Variants in WRN observed in about 807,000 individuals in gnomAD.
The protein encoded by WRN is bifunctional 3'-5' exonuclease/ATP-dependent helicase WRN.
WRN carries 149 observed loss-of-function variants against 180.7 expected under a neutral mutation model. The observed-to-expected ratio is 0.82, with a 90% CI of 0.72 to 0.94. The LOEUF (loss-of-function observed/expected upper bound fraction) is 0.94. WRN is among the 40% of genes least tolerant of loss of function. The pLI is 0.00. For synonymous variants in WRN, 548 were observed against 568.9 expected, an observed-to-expected ratio of 0.96 and a Z score of 0.52; for missense variants, 1,661 against 1,700.1, an observed-to-expected ratio of 0.98 and a Z score of 0.40.
At chr8:31,076,586 A>T (rs1813103507) in intron 8 of WRN, among the ~76,000 whole-genome samples, 1 of 152,182 alleles carries the variant, frequency 6.6e-6, no homozygotes, top group Non-Finnish European at 1.5e-5. Flanking sequence ...TGTCAAAGCA[A>T]AATAAATTAT....
chr8:31,136,060 C>T (rs1047908523), intron 24 of WRN, among the ~76,000 whole-genome samples: 1 of 152,200 alleles, frequency 6.6e-6, no homozygotes, highest in Non-Finnish European at 1.5e-5. Context: ...AGTACAGTGG[C>T]ATGATCATAG....
intron 19 of WRN, among the ~76,000 whole-genome samples, chr8:31,115,991 C>G (rs1248122274): frequency 6.6e-6 from 1 of 152,098 alleles, no homozygotes; most frequent in Non-Finnish European, 1.5e-5. Flanking sequence ...CTTTGTAAAC[C>G]CTCACCAGAC....
intron 33 of WRN, among the ~76,000 whole-genome samples, chr8:31,159,580 A>T (rs1213874823): frequency 6.6e-6 from 1 of 152,086 alleles, no homozygotes; most frequent in African/African-American, 2.4e-5. Flanking sequence ...TGAGATGGAA[A>T]ATTAAAAGAC....
chr8:31,149,455 G>GTTT (rs71208105), intron 30 of WRN, among the ~76,000 whole-genome samples: 11 of 51,974 alleles, frequency 2.1e-4, no homozygotes, highest in Admixed American at 7.0e-4. Flanking sequence ...TAATAGAGGT[G>GTTT]TTTTTTTTTT....
chr8:31,155,142 C>T (rs548391640), intron 32 of WRN, among the ~76,000 whole-genome samples: 13 of 152,258 alleles, frequency 8.5e-5, no homozygotes, highest in African/African-American at 1.4e-4. Context: ...GAAAAACAAA[C>T]GTAAACGTGT....
intron 7 of WRN, among the ~76,000 whole-genome samples, chr8:31,073,669 A>G (rs956816816): frequency 3.3e-5 from 5 of 152,162 alleles, no homozygotes; most frequent in African/African-American, 9.7e-5. Context: ...AGTAGGTGTG[A>G]TATTGACCTC....
chr8:31,040,391 T>C (rs1811605447), intron 1 of WRN, among the ~76,000 whole-genome samples: 2 of 152,102 alleles, frequency 1.3e-5, no homozygotes, highest in Non-Finnish European at 2.9e-5. Flanking sequence ...GGAGTGAGTG[T>C]AGAGGGAGAA....
chr8:31,111,508 T>C, intron 18 of WRN, 107 bp from the exon 19 acceptor site: 1 of 1,375,732 alleles, frequency 7.3e-7, no homozygotes, highest in South Asian at 1.2e-5. Flanking sequence ...GTCTTTAACA[T>C]TGTACCACAA....
At chr8:31,054,066 C>G (rs1371856086) in intron 1 of WRN, among the ~76,000 whole-genome samples, 1 of 152,124 alleles carries the variant, frequency 6.6e-6, no homozygotes, top group East Asian at 1.9e-4. Flanking sequence ...TCTATGAAAG[C>G]AAAGCCTTCT....
chr8:31,141,245 AT>A (rs1299261492), intron 24 of WRN, among the ~76,000 whole-genome samples, 184 bp from the exon 25 acceptor site: 1 of 152,214 alleles, frequency 6.6e-6, no homozygotes, highest in African/African-American at 2.4e-5. Context: ...AAGGAACATT[AT>A]TTTGATAATG....
intron 11 of WRN, among the ~76,000 whole-genome samples, chr8:31,086,149 CAGAAGTT>C (rs1813521646): frequency 1.3e-5 from 2 of 151,932 alleles, no homozygotes; most frequent in African/African-American, 4.8e-5. Flanking sequence ...AAGAAAAACA[CAGAAGTT>C]CCCCATTATG....
intron 34 of WRN, among the ~76,000 whole-genome samples, chr8:31,170,073 C>T (rs1256272194): frequency 6.6e-6 from 1 of 152,188 alleles, no homozygotes; most frequent in African/African-American, 2.4e-5. Context: ...CCTCTGCTTT[C>T]TCCCGTACAG....
At chr8:31,110,986 C>A (rs1479993045) in intron 18 of WRN, among the ~76,000 whole-genome samples, 1 of 152,138 alleles carries the variant, frequency 6.6e-6, no homozygotes, top group Admixed American at 6.6e-5. Flanking sequence ...GTCTGCCAAT[C>A]CAGTCAAGAA....
At chr8:31,159,343 A>G (rs1040681720) in intron 33 of WRN, among the ~76,000 whole-genome samples, 1 of 151,500 alleles carries the variant, frequency 6.6e-6, no homozygotes, top group African/African-American at 2.4e-5. Context: ...GACGCTGGGG[A>G]CTACTGAGGG....
chr8:31,044,899 T>C (rs1448323237), intron 1 of WRN, among the ~76,000 whole-genome samples: 1 of 152,236 alleles, frequency 6.6e-6, no homozygotes, highest in Non-Finnish European at 1.5e-5. Flanking sequence ...CATACGTCTT[T>C]GTGCATATGT....
At chr8:31,061,425 A>G (rs1223699079) in intron 3 of WRN, among the ~76,000 whole-genome samples, 1 of 151,296 alleles carries the variant, frequency 6.6e-6, no homozygotes, top group Non-Finnish European at 1.5e-5. Flanking sequence ...GTTTTAATGT[A>G]CTTGTCTGTT....
chr8:31,141,841 A>G (rs549299557), intron 26 of WRN, 66 bp downstream of exon 26: 2 of 1,450,088 alleles, frequency 1.4e-6, no homozygotes, highest in South Asian at 2.3e-5. Context: ...GATTCAAATT[A>G]TACCAGTTTA....
chr8:31,107,123 C>G (rs1801126757), intron 18 of WRN, among the ~76,000 whole-genome samples: 1 of 151,982 alleles, frequency 6.6e-6, no homozygotes, highest in South Asian at 2.1e-4. Flanking sequence ...AGTAATAGCA[C>G]CAAATGAAAT....
At chr8:31,116,834 A>C (rs138984046) in intron 20 of WRN, among the ~76,000 whole-genome samples, 1 of 152,290 alleles carries the variant, frequency 6.6e-6, no homozygotes, top group East Asian at 1.9e-4. Flanking sequence ...CCAGGCCAGT[A>C]GGTGATGAGG....
Sources: gnomAD v4.1 joint callset for allele counts (sites outside exome capture counted in the v4.1 genomes callset) on GRCh38, gnomAD v4.1.1 for gene constraint, MANE v1.5 for transcripts, NCBI Gene and HGNC (gene_info 2026-07-23, HGNC 2026-07-21) for gene names.